The following AOAH variants were observed in gnomAD, a reference collection of about 807,000 sequenced individuals.
AOAH encodes acyloxyacyl hydrolase (neutrophil).
Under a neutral mutation model 92.2 loss-of-function variants are expected in AOAH, and 64 were observed. The ratio of observed to expected loss-of-function variants is 0.69; its 90% CI spans 0.57 to 0.86. The LOEUF is 0.86. AOAH is among the 40% of genes least tolerant of loss of function. AOAH has a pLI of 0.00. For missense variants in AOAH, 656 were observed against 694.6 expected (o/e 0.94, Z 0.62); for synonymous variants, 263 against 254.5 (o/e 1.03, Z -0.32).
intron 1 of AOAH, among the ~76,000 whole-genome samples, chr7:36,706,024 A>T (rs4723558): frequency 2.6e-5 from 4 of 151,926 alleles, no homozygotes; most frequent in Non-Finnish European, 2.9e-5. Context: ...TGGATTAAAC[A>T]TAAGACCTAA....
chr7:36,569,053 A>C (rs950992426), intron 13 of AOAH, among the ~76,000 whole-genome samples: 6 of 152,036 alleles, frequency 3.9e-5, no homozygotes, highest in Admixed American at 2.0e-4. Context: ...ATTTTTTTTC[A>C]TATCCAGACA....
chr7:36,677,590 A>G (rs1209930295), intron 2 of AOAH, among the ~76,000 whole-genome samples: 1 of 152,192 alleles, frequency 6.6e-6, no homozygotes, highest in African/African-American at 2.4e-5. Context: ...TTTATATATG[A>G]TCCAGCAATG....
chr7:36,526,134 C>A (rs541983673), intron 19 of AOAH, among the ~76,000 whole-genome samples: 1 of 152,306 alleles, frequency 6.6e-6, no homozygotes, highest in South Asian at 2.1e-4. Flanking sequence ...CTACATTAGG[C>A]AGCAACTACA....
At chr7:36,568,904 G>GT (rs960287304) in intron 13 of AOAH, among the ~76,000 whole-genome samples, 12 of 152,148 alleles carry the variant, frequency 7.9e-5, no homozygotes, top group African/African-American at 2.4e-4. Flanking sequence ...GCAAGATGAG[G>GT]TTTTTTCAGA....
chr7:36,668,770 A>G (rs1485180888), intron 3 of AOAH, among the ~76,000 whole-genome samples: 1 of 152,246 alleles, frequency 6.6e-6, no homozygotes, highest in African/African-American at 2.4e-5. Flanking sequence ...TACAGGCGTG[A>G]GCCATCACAC....
At chr7:36,659,838 C>A (rs1255614358) in intron 3 of AOAH, among the ~76,000 whole-genome samples, 1 of 148,476 alleles carries the variant, frequency 6.7e-6, no homozygotes, top group Non-Finnish European at 1.5e-5. Flanking sequence ...ACCCCTGTGA[C>A]CTGCACATAT....
At chr7:36,603,879 C>A (rs1170889132) in intron 11 of AOAH, among the ~76,000 whole-genome samples, 1 of 152,196 alleles carries the variant, frequency 6.6e-6, no homozygotes, top group African/African-American at 2.4e-5. Flanking sequence ...TTGTCTTAGT[C>A]CATTTCCTGC....
intron 6 of AOAH, among the ~76,000 whole-genome samples, chr7:36,629,490 AGT>A (rs1289805982): frequency 1.3e-5 from 2 of 152,250 alleles, no homozygotes; most frequent in East Asian, 3.9e-4. Context: ...GCTGCATCTC[AGT>A]CTTCCAGCAT....
intron 12 of AOAH, among the ~76,000 whole-genome samples, chr7:36,584,075 G>C (rs1256113935): frequency 1.3e-5 from 2 of 152,132 alleles, no homozygotes; most frequent in African/African-American, 4.8e-5. Flanking sequence ...GGTCAAATAA[G>C]TTTAGGAAAT....
chr7:36,594,936 C>A (rs1313598108), intron 11 of AOAH, among the ~76,000 whole-genome samples: 1 of 152,072 alleles, frequency 6.6e-6, no homozygotes, highest in Non-Finnish European at 1.5e-5. Context: ...TGGTTCCTTT[C>A]CCCACAAAAA....
chr7:36,613,828 ACT>A (rs1189871469), intron 11 of AOAH, among the ~76,000 whole-genome samples: 22 of 152,174 alleles, frequency 1.4e-4, no homozygotes, highest in African/African-American at 4.6e-4. Flanking sequence ...GCAAAATGTC[ACT>A]CTCTTTCTTC....
rs1791672266 is a variant in AOAH at position 36,614,019 on chromosome 7, C to A, written c.846+2361G>T. ...TGAGTTCATGTTCAATTTATTTAAT[C>A]TAGGAAGAGGAGGTCAAGGAAAAAA... On this transcript the variant is annotated intron_variant, in intron 11 of 20. Coordinates refer to ENST00000617537, the MANE Select transcript of AOAH (RefSeq NM_001637.4). This position sits in a 1 kb window ranked among gnomAD's most constrained non-coding sequence, Gnocchi z 4.2. Among the ~76,000 whole-genome samples the A allele has an allele frequency of 6.6e-6, 1 of 152,106 alleles. No homozygotes were observed. The highest frequency in any genetic ancestry group is 2.4e-5 in the African/African-American group (1 of 41,414).
chr7:36,652,605 G>T (rs1426275963), intron 4 of AOAH, among the ~76,000 whole-genome samples: 1 of 152,192 alleles, frequency 6.6e-6, no homozygotes, highest in Admixed American at 6.5e-5. Flanking sequence ...GTGATGAAGG[G>T]TGATCTCACC....
Position 36,532,333 on chromosome 7 carries a change from T to C in AOAH, c.1318A>G (p.Lys440Glu), listed in dbSNP as rs764032835. ...NRYHPLGQLN[K>E]DMTYAQLYSF... ...TACAACTGCGCATAGGTCATGTCTT[T>C]ATTTAGCTGGCCTGGAAAACAGAGA... The change falls in exon 17 of 21, where the codon AAA becomes GAA. Residue 440 changes from lysine (K) to glutamate (E), a missense_variant. By Grantham distance (56) the Lys-to-Glu change is moderately conservative. Transcript: ENST00000617537. 4 of 1,613,808 alleles carry C rather than the reference T, an allele frequency of 2.5e-6. No homozygotes were observed. In the South Asian group the frequency reaches 4.4e-5, roughly 18 times the overall value.
At chr7:36,583,026 G>A (rs1789046362) in intron 12 of AOAH, among the ~76,000 whole-genome samples, 1 of 152,106 alleles carries the variant, frequency 6.6e-6, no homozygotes, top group Non-Finnish European at 1.5e-5. Flanking sequence ...TGTAATTTTA[G>A]TAGAGACAGG....
chr7:36,593,426 C>T (rs1487813441), intron 12 of AOAH, among the ~76,000 whole-genome samples: 1 of 152,226 alleles, frequency 6.6e-6, no homozygotes. Flanking sequence ...GGGTAAATCA[C>T]ACCCCATGCA....
chr7:36,540,253 C>G (rs1300427661), intron 16 of AOAH, 66 bp downstream of exon 16: 1 of 1,388,022 alleles, frequency 7.2e-7, no homozygotes, highest in African/African-American at 1.5e-5. Context: ...TGGTTTGAAC[C>G]ATATATACAT....
intron 3 of AOAH, among the ~76,000 whole-genome samples, chr7:36,664,120 T>A (rs532494321): frequency 9.2e-5 from 14 of 152,264 alleles, no homozygotes; most frequent in African/African-American, 3.4e-4. Context: ...GGATAACAGA[T>A]CTTTATTAAA....
intron 4 of AOAH, among the ~76,000 whole-genome samples, chr7:36,649,780 C>A (rs1244695723): frequency 6.6e-6 from 1 of 152,186 alleles, no homozygotes; most frequent in East Asian, 1.9e-4. Flanking sequence ...CTGTTTGCCG[C>A]CGTGGCAGAC....
Sources: gnomAD v4.1 joint callset for allele counts (sites outside exome capture counted in the v4.1 genomes callset) on GRCh38, gnomAD v4.1.1 for gene constraint, Gnocchi (gnomAD v3.1) non-coding constraint, MANE v1.5 for transcripts, NCBI Gene and HGNC (gene_info 2026-07-23, HGNC 2026-07-21) for gene names.